The following MGAM2 variants were observed in gnomAD, a reference collection of about 807,000 sequenced individuals.
MGAM2 encodes the protein maltase-glucoamylase 2 (putative).
In MGAM2, 98 loss-of-function variants were observed where a neutral mutation model predicts 96.1. That is an observed-to-expected ratio of 1.02 (90% CI 0.87 to 1.21). The LOEUF (loss-of-function observed/expected upper bound fraction) is 1.21, where lower values mean the gene tolerates loss of function less well. Among genes scored for constraint, MGAM2 ranks in the 50% most tolerant of loss-of-function variants. MGAM2 has a pLI of 0.00. For missense variants in MGAM2, 2,055 were observed against 1,182.4 expected (o/e 1.74, Z -10.82); for synonymous variants, 749 against 414.8 (o/e 1.81, Z -9.79).
chr7:142,131,510 AC>A lies in MGAM2; in HGVS notation c.311-4del. The stretch of plus-strand genomic sequence containing the variant: ...CTTTTCTCTCTCTCCATATCTTGCC[AC>A]CCCTAGGATTTACTGCCCAGTTGAA... On this transcript the variant is annotated splice_polypyrimidine_tract_variant and splice_region_variant and intron_variant, in intron 4 of 47. Coordinates refer to ENST00000477922, the MANE Select transcript of MGAM2 (RefSeq NM_001293626.2). The A allele has an allele frequency of 1.4e-6, 1 of 701,894 alleles. No homozygotes were observed. Among genetic ancestry groups the A allele is most frequent in the East Asian group, 2.7e-5 (1 of 37,262 alleles). 43.5% of individuals were successfully genotyped at this position (701,894 alleles called of 1,614,324 possible). A position where few individuals can be genotyped will look rare whatever the true frequency, so the allele number is the denominator to read the frequency against.
At chr7:142,211,464 C>T (rs1341216100) in intron 46 of MGAM2, among the ~76,000 whole-genome samples, 1 of 152,166 alleles carries the variant, frequency 6.6e-6, no homozygotes, top group African/African-American at 2.4e-5. Context: ...AGAGGAATTG[C>T]TAACTAGAAT....
chr7:142,123,962 A>ATTT (rs1563247767), intron 3 of MGAM2, among the ~76,000 whole-genome samples: 2 of 127,522 alleles, frequency 1.6e-5, no homozygotes, highest in Non-Finnish European at 3.2e-5. Flanking sequence ...GAGTCCAGAA[A>ATTT]CTTTTTTTTT....
chr7:142,172,845 T>A lies in MGAM2; in HGVS notation c.3561+81T>A. 1.0e-5 allele frequency: 6 copies of A among 596,872 alleles called. No individual in the cohort carries two copies. In the South Asian group the frequency reaches 1.1e-4, roughly 11 times the overall value. 37.0% of individuals were successfully genotyped at this position (596,872 alleles called of 1,614,324 possible). ...CATTATTAGCACTGAGATAGGGCAG[T>A]TTTTTCTTTTGACTCTTGAGTGTCA... On this transcript the variant is annotated intron_variant, in intron 30 of 47. Transcript: ENST00000477922.
intron 34 of MGAM2, among the ~76,000 whole-genome samples, 172 bp downstream of exon 34, chr7:142,185,311 A>G (rs936830558): frequency 6.6e-6 from 1 of 152,200 alleles, no homozygotes; most frequent in African/African-American, 2.4e-5. Context: ...AGCTCAACAA[A>G]CAGCGAACAT....
At chr7:142,116,784 A>G (rs1468753863) in intron 1 of MGAM2, 90 bp from the exon 2 acceptor site, 1 of 681,262 alleles carries the variant, frequency 1.5e-6, no homozygotes, top group Non-Finnish European at 2.7e-6. Flanking sequence ...TCTTGCAAAC[A>G]ATTCCACATT....
chr7:142,145,476 A>T (rs1795356257), intron 14 of MGAM2, among the ~76,000 whole-genome samples: 1 of 151,330 alleles, frequency 6.6e-6, no homozygotes. Context: ...TCAAGGTCCC[A>T]TTTATAGGTC....
chr7:142,154,045 T>C lies in MGAM2; in HGVS notation c.1662T>C (p.Asn554=), dbSNP rs765680223. Residue 554 remains asparagine, a synonymous_variant, in exon 16 of 48, where the codon AAT becomes AAC. Transcript: ENST00000477922. ...NLALETIFMN[N]RSFILSRSTF... is the part of the protein sequence containing the mutation. ...CCCTGGAGACCATCTTCATGAATAA[T>C]AGGAGCTTCATCTTATCCCGTTCTA... 1 of 685,294 alleles carries C rather than the reference T, an allele frequency of 1.5e-6. No homozygotes were observed. Among genetic ancestry groups the C allele is most frequent in the Non-Finnish European group, 2.7e-6 (1 of 372,126 alleles). 42.5% of individuals were successfully genotyped at this position (685,294 alleles called of 1,614,324 possible).
At chr7:142,201,795 A>G (rs1206389845) in intron 45 of MGAM2, among the ~76,000 whole-genome samples, 2 of 152,332 alleles carry the variant, frequency 1.3e-5, no homozygotes, top group Admixed American at 6.5e-5. Context: ...TATTTAAAGT[A>G]CACGGGAGGA....
At chr7:142,219,482 C>A (rs1404727562) in intron 47 of MGAM2, among the ~76,000 whole-genome samples, 1 of 152,158 alleles carries the variant, frequency 6.6e-6, no homozygotes, top group African/African-American at 2.4e-5. Flanking sequence ...ATATCTGATG[C>A]CTATTATGTG....
chr7:142,199,950 G>T lies in MGAM2; in HGVS notation c.5119G>T (p.Asp1707Tyr). Reference sequence around the variant, plus strand: ...GACAGCTGAAGGCCAGGTGTTCTGGGATGATGGACAAAGCATTGGTGAGTA... The same window carrying T: ...GACAGCTGAAGGCCAGGTGTTCTGGTATGATGGACAAAGCATTGGTGAGTA... ...NGTAEGQVFW[D>Y]DGQSIDTYEN... Residue 1707 changes from aspartate to tyrosine, a missense_variant, in exon 45 of 48, where the codon GAT becomes TAT. Transcript: ENST00000477922. 1 of 693,188 alleles carries T rather than the reference G, an allele frequency of 1.4e-6. No homozygotes were observed. The highest frequency in any genetic ancestry group is 2.6e-6 in the Non-Finnish European group (1 of 379,774). The allele number at this position is 693,188 out of a possible 1,614,324, so 42.9% of individuals were successfully genotyped here. A position where few individuals can be genotyped will look rare whatever the true frequency, so the allele number is the denominator to read the frequency against.
chr7:142,217,517 A>C (rs943068998), intron 46 of MGAM2, among the ~76,000 whole-genome samples: 1 of 152,212 alleles, frequency 6.6e-6, no homozygotes, highest in Non-Finnish European at 1.5e-5. Flanking sequence ...TGCTGGTACA[A>C]TAAACTTATT....
intron 33 of MGAM2, among the ~76,000 whole-genome samples, chr7:142,184,193 G>A (rs1052036265): frequency 2.0e-5 from 3 of 151,658 alleles, no homozygotes; most frequent in Non-Finnish European, 2.9e-5. Context: ...GGCTGGTCTC[G>A]AACTCATGAC....
At chr7:142,208,016 A>T (rs904265374) in intron 45 of MGAM2, among the ~76,000 whole-genome samples, 6 of 152,170 alleles carry the variant, frequency 3.9e-5, no homozygotes, top group African/African-American at 1.4e-4. Flanking sequence ...ATCAATTTTA[A>T]GCACTTATTG....
At chr7:142,167,186 G>C (rs917186064) in intron 25 of MGAM2, 82 bp from the exon 26 acceptor site, 2 of 612,406 alleles carry the variant, frequency 3.3e-6, no homozygotes, top group Admixed American at 5.4e-5. Context: ...TAGAGACTTA[G>C]TCTGTGTTAA....
intron 37 of MGAM2, among the ~76,000 whole-genome samples, chr7:142,194,991 C>T (rs1042798315): frequency 2.0e-5 from 3 of 152,128 alleles, no homozygotes; most frequent in Non-Finnish European, 4.4e-5. Flanking sequence ...GCAGATGATC[C>T]ATCTTCCACT....
intron 45 of MGAM2, among the ~76,000 whole-genome samples, chr7:142,205,274 TAA>T (rs1797362007): frequency 6.6e-6 from 1 of 152,126 alleles, no homozygotes; most frequent in Non-Finnish European, 1.5e-5. Flanking sequence ...CATCTGAATA[TAA>T]GTCCTTGAAT....
At chr7:142,190,415 G>A (rs980839384) in intron 37 of MGAM2, among the ~76,000 whole-genome samples, 1 of 151,802 alleles carries the variant, frequency 6.6e-6, no homozygotes, top group Admixed American at 6.6e-5. Flanking sequence ...GGGATTACAG[G>A]CATAAGTCAC....
chr7:142,214,406 A>G (rs1006098978), intron 46 of MGAM2, among the ~76,000 whole-genome samples: 1 of 152,096 alleles, frequency 6.6e-6, no homozygotes, highest in African/African-American at 2.4e-5. Context: ...TATTTAGAAA[A>G]CCCCATTGTC....
intron 46 of MGAM2, 89 bp from the exon 47 acceptor site, chr7:142,218,272 G>A: frequency 4.2e-6 from 2 of 481,116 alleles, no homozygotes; most frequent in South Asian, 4.7e-5. Flanking sequence ...TATAACAAAA[G>A]TAAATTTAGG....
Sources: gnomAD v4.1 joint callset for allele counts (sites outside exome capture counted in the v4.1 genomes callset) on GRCh38, gnomAD v4.1.1 for gene constraint, MANE v1.5 for transcripts, NCBI Gene and HGNC (gene_info 2026-07-23, HGNC 2026-07-21) for gene names.